Variants in HYAL4 observed in about 807,000 individuals in gnomAD.
HYAL4 encodes the protein hyaluronidase-4.
A neutral mutation model predicts 35.2 loss-of-function variants in HYAL4; 37 were observed. The ratio of observed to expected loss-of-function variants is 1.05; its 90% CI spans 0.81 to 1.38. The LOEUF (loss-of-function observed/expected upper bound fraction) is 1.38. Ranked by LOEUF, HYAL4 falls within the 40% of genes most tolerant of loss-of-function variation. HYAL4 has a pLI of 0.00. For missense variants in HYAL4, 572 were observed against 572.4 expected, an observed-to-expected ratio of 1.00 and a Z score of 0.01; for synonymous variants, 198 against 203.2, an observed-to-expected ratio of 0.97 and a Z score of 0.22.
chr7:123,865,084 A>T (rs999455338), intron 2 of HYAL4, among the ~76,000 whole-genome samples: 1 of 152,018 alleles, frequency 6.6e-6, no homozygotes, highest in African/African-American at 2.4e-5. Flanking sequence ...ACATTCCAAG[A>T]TAGGAGAAGA....
At position 123,868,549 on chromosome 7, in the gene HYAL4, C is replaced by T. The variant is rs747848080; in HGVS notation, c.276C>T (p.Val92=). 76 of 1,612,902 alleles carry T rather than the reference C, an allele frequency of 4.7e-5. No individual in the cohort carries two copies. Among genetic ancestry groups the T allele is most frequent in the Non-Finnish European group, 6.2e-5 (73 of 1,179,772 alleles). ...GGCAAAATGTCACTATATTTTATGTCAACAGATTGGGATACTATCCGTGGT... is the reference window on the plus strand; with the variant it reads ...GGCAAAATGTCACTATATTTTATGTTAACAGATTGGGATACTATCCGTGGT... ...ARGQNVTIFY[V]NRLGYYPWYT... Residue 92 remains valine (V), a synonymous_variant, in exon 3 of 5, where the codon GTC becomes GTT. Transcript: ENST00000223026.
intron 1 of HYAL4, among the ~76,000 whole-genome samples, chr7:123,839,554 C>T (rs570687156): frequency 1.3e-5 from 2 of 152,290 alleles, no homozygotes; most frequent in Admixed American, 6.5e-5. Flanking sequence ...CTTGAGGAAT[C>T]GCCACACTGT....
At chr7:123,799,049 G>A in the HYAL4 span, among the ~76,000 whole-genome samples, 1 of 152,076 alleles carries the variant, frequency 6.6e-6, no homozygotes, top group East Asian at 1.9e-4. Flanking sequence ...GACTGAAGGG[G>A]GCAATCATAC....
chr7:123,786,640 A>C, the HYAL4 span, among the ~76,000 whole-genome samples: 1 of 152,182 alleles, frequency 6.6e-6, no homozygotes, highest in African/African-American at 2.4e-5. Context: ...TAAATGGGGT[A>C]GTTGCTTTGT....
the HYAL4 span, among the ~76,000 whole-genome samples, chr7:123,805,554 T>G: frequency 6.6e-6 from 1 of 152,126 alleles, no homozygotes; most frequent in Non-Finnish European, 1.5e-5. Context: ...ATTGATAATT[T>G]AAGTTATATT....
At chr7:123,791,226 G>A in the HYAL4 span, among the ~76,000 whole-genome samples, 55 of 152,244 alleles carry the variant, frequency 3.6e-4, no homozygotes, top group African/African-American at 1.2e-3. Flanking sequence ...TGGGAAGTCC[G>A]AAAGGCCTGA....
chr7:123,837,089 A>T (rs537919011), intron 1 of HYAL4, among the ~76,000 whole-genome samples: 3 of 152,160 alleles, frequency 2.0e-5, no homozygotes, highest in Non-Finnish European at 4.4e-5. Flanking sequence ...CAGTTCTTGT[A>T]GTTCTGCCTT....
At chr7:123,857,669 G>GTTTCTTTCTTTCTTTCTTTC (rs200221721) in intron 2 of HYAL4, among the ~76,000 whole-genome samples, 35 of 124,740 alleles carry the variant, frequency 2.8e-4, no homozygotes, top group East Asian at 2.8e-3. Context: ...TTCTTTGTTT[G>GTTTCTTTCTTTCTTTCTTTC]TTTCTTTCTT....
chr7:123,810,144 C>G, the HYAL4 span, among the ~76,000 whole-genome samples: 1 of 152,002 alleles, frequency 6.6e-6, no homozygotes, highest in Non-Finnish European at 1.5e-5. Flanking sequence ...AGTGCTTTTC[C>G]CCAAATACTA....
the HYAL4 span, among the ~76,000 whole-genome samples, chr7:123,775,851 A>AG: frequency 6.6e-6 from 1 of 152,188 alleles, no homozygotes; most frequent in Non-Finnish European, 1.5e-5. Context: ...TGTAACAGGA[A>AG]GCCCCCTAAA....
At chr7:123,810,179 T>G in the HYAL4 span, among the ~76,000 whole-genome samples, 1 of 152,198 alleles carries the variant, frequency 6.6e-6, no homozygotes, top group Non-Finnish European at 1.5e-5. Flanking sequence ...CCTGCATGGT[T>G]GAAGTGTGGG....
At chr7:123,785,071 A>G in the HYAL4 span, among the ~76,000 whole-genome samples, 8 of 152,206 alleles carry the variant, frequency 5.3e-5, no homozygotes, top group African/African-American at 1.9e-4. The surrounding 1 kb of genome is among the most constrained non-coding windows in gnomAD (Gnocchi z 4.5). Flanking sequence ...AATTAAGTAC[A>G]TATATATTTT....
At chr7:123,778,162 T>TATCTATCC in the HYAL4 span, among the ~76,000 whole-genome samples, 1 of 53,446 alleles carries the variant, frequency 1.9e-5, no homozygotes, top group African/African-American at 8.1e-5. Flanking sequence ...TCTGTCTGTC[T>TATCTATCC]ATCTATCTAT....
At chr7:123,872,015 T>C (rs1806894941) in intron 3 of HYAL4, among the ~76,000 whole-genome samples, 3 of 152,192 alleles carry the variant, frequency 2.0e-5, no homozygotes, top group African/African-American at 7.2e-5. Flanking sequence ...TAGTTTTTCA[T>C]TTTTATACAT....
the HYAL4 span, among the ~76,000 whole-genome samples, chr7:123,794,116 G>A: frequency 1.3e-5 from 2 of 152,194 alleles, no homozygotes; most frequent in East Asian, 3.9e-4. Context: ...GAGCAAAGGT[G>A]ACTGTTACAC....
rs148742825 is a variant in HYAL4 at position 123,832,957 on chromosome 7, C to T, written c.-257+3833C>T. On this transcript the variant is annotated intron_variant, in intron 1 of 4. Coordinates refer to the HYAL4 transcript ENST00000489978. Reference sequence around the variant, plus strand: ...TCATTCCTTTTTAAGGCTGAATATTCCTTCATATATAAATACCACAATTTC... The same window carrying T: ...TCATTCCTTTTTAAGGCTGAATATTTCTTCATATATAAATACCACAATTTC... Among the ~76,000 whole-genome samples, 804 of 152,046 alleles carry T rather than the reference C, an allele frequency of 5.3e-3. 7 individuals are homozygous for T. The highest frequency in any genetic ancestry group is 0.017 in the African/African-American group (718 of 41,480).
the HYAL4 span, among the ~76,000 whole-genome samples, chr7:123,804,935 A>G: frequency 6.6e-6 from 1 of 152,222 alleles, no homozygotes; most frequent in South Asian, 2.1e-4. Flanking sequence ...AATGTAACCT[A>G]TTCTCACTTC....
At chr7:123,768,595 C>A in the HYAL4 span, among the ~76,000 whole-genome samples, 1 of 152,176 alleles carries the variant, frequency 6.6e-6, no homozygotes, top group South Asian at 2.1e-4. Context: ...GTACACTGTA[C>A]ATCTGCACCA....
At chr7:123,787,600 C>A in the HYAL4 span, among the ~76,000 whole-genome samples, 2 of 152,162 alleles carry the variant, frequency 1.3e-5, no homozygotes, top group Non-Finnish European at 2.9e-5. Context: ...GACCCAAGTC[C>A]CTACCCGCCT....
Sources: allele counts gnomAD v4.1 joint callset (sites outside exome capture counted in the v4.1 genomes callset), GRCh38; gene constraint gnomAD v4.1.1; non-coding constraint Gnocchi (gnomAD v3.1); transcripts MANE v1.5; gene names NCBI Gene and HGNC (gene_info 2026-07-23, HGNC 2026-07-21).